The following AGBL4 variants were observed in gnomAD, a reference collection of about 807,000 sequenced individuals.
The protein encoded by AGBL4 is cytosolic carboxypeptidase 6.
In AGBL4, 58 loss-of-function variants were observed where a neutral mutation model predicts 66.4. The observed-to-expected ratio is 0.87, with a 90% CI of 0.71 to 1.09. The LOEUF is 1.09. Ranked by LOEUF, AGBL4 falls within the 50% of genes least tolerant of loss-of-function variation. The pLI is 0.00. For synonymous variants in AGBL4, 234 were observed against 222.9 expected (o/e 1.05, Z -0.44); for missense variants, 579 against 631.0 (o/e 0.92, Z 0.88).
chr1:48,598,319 T>C (rs999813571), intron 9 of AGBL4, among the ~76,000 whole-genome samples: 5 of 152,144 alleles, frequency 3.3e-5, no homozygotes, highest in Non-Finnish European at 5.9e-5. Flanking sequence ...CTGATGGAGA[T>C]AAATTCTGAG....
At chr1:49,655,752 A>G (rs958346218) in intron 3 of AGBL4, among the ~76,000 whole-genome samples, 2 of 152,256 alleles carry the variant, frequency 1.3e-5, no homozygotes, top group Non-Finnish European at 1.5e-5. Context: ...CAAAAAATCA[A>G]TGAATCCAGG....
intron 3 of AGBL4, among the ~76,000 whole-genome samples, chr1:49,530,274 A>AAAAAAAAAAAAAAAAAAAAAAAAAC (rs1553221141): frequency 8.2e-5 from 11 of 134,758 alleles, no homozygotes; most frequent in African/African-American, 3.2e-4. Flanking sequence ...AAAAAAAAAC[A>AAAAAAAAAAAAAAAAAAAAAAAAAC]AAAAAAAACT....
intron 3 of AGBL4, chr1:49,257,389 C>T (rs528473734): frequency 1.6e-4 from 26 of 161,494 alleles, no homozygotes; most frequent in Admixed American, 1.6e-3. Context: ...GCGCCCCTCC[C>T]CCAGCCTCGC....
At chr1:50,019,821 T>C (rs1378688762) in intron 1 of AGBL4, among the ~76,000 whole-genome samples, 2 of 152,106 alleles carry the variant, frequency 1.3e-5, no homozygotes, top group African/African-American at 4.8e-5. Flanking sequence ...CAATCTAGCA[T>C]GAGACTAATA....
At chr1:49,282,777 C>G (rs890871005) in intron 3 of AGBL4, among the ~76,000 whole-genome samples, 1 of 152,174 alleles carries the variant, frequency 6.6e-6, no homozygotes, top group Non-Finnish European at 1.5e-5. Context: ...CCTGGAAAAT[C>G]GGGTCACTCC....
chr1:48,620,294 A>T (rs1023718405), intron 9 of AGBL4, among the ~76,000 whole-genome samples: 2 of 151,906 alleles, frequency 1.3e-5, no homozygotes, highest in Non-Finnish European at 2.9e-5. Flanking sequence ...TTTAAGAGAC[A>T]GGGTCTCACT....
intron 3 of AGBL4, among the ~76,000 whole-genome samples, chr1:49,282,815 G>C (rs1322996057): frequency 6.6e-6 from 1 of 152,156 alleles, no homozygotes; most frequent in Non-Finnish European, 1.5e-5. Context: ...TTTCGGACGG[G>C]CTTAAAAAAC....
intron 2 of AGBL4, among the ~76,000 whole-genome samples, chr1:49,710,412 G>A (rs1388864114): frequency 6.6e-6 from 1 of 152,110 alleles, no homozygotes; most frequent in African/African-American, 2.4e-5. Context: ...GTACAGGGAA[G>A]GGAACATTAC....
intron 3 of AGBL4, among the ~76,000 whole-genome samples, chr1:49,423,616 C>T (rs1421490386): frequency 6.6e-6 from 1 of 151,988 alleles, no homozygotes; most frequent in African/African-American, 2.4e-5. Context: ...TTAAGACCAG[C>T]CTCGCCAACA....
At chr1:48,719,058 T>C (rs78067261) in intron 6 of AGBL4, among the ~76,000 whole-genome samples, 2,966 of 152,290 alleles carry the variant, frequency 0.019, 74 homozygotes, top group African/African-American at 0.055. Flanking sequence ...AAGGTCATGT[T>C]CCTGAAACCC....
chr1:49,652,095 T>C (rs1401880904), intron 3 of AGBL4, among the ~76,000 whole-genome samples: 1 of 152,090 alleles, frequency 6.6e-6, no homozygotes, highest in Non-Finnish European at 1.5e-5. Flanking sequence ...TAAGGAAGAA[T>C]TTCAGAGCTT....
At chr1:49,480,795 T>C (rs1646940081) in intron 3 of AGBL4, among the ~76,000 whole-genome samples, 1 of 152,142 alleles carries the variant, frequency 6.6e-6, no homozygotes, top group South Asian at 2.1e-4. Flanking sequence ...CTTTAATCCA[T>C]CTTGAGTTAA....
chr1:48,686,755 G>A (rs1324486464), intron 6 of AGBL4, among the ~76,000 whole-genome samples: 1 of 152,126 alleles, frequency 6.6e-6, no homozygotes, highest in Non-Finnish European at 1.5e-5. Context: ...GCTTGATCTT[G>A]GTGAAGTCAC....
intron 1 of AGBL4, among the ~76,000 whole-genome samples, chr1:49,967,816 A>G (rs987615884): frequency 2.0e-5 from 3 of 152,192 alleles, no homozygotes; most frequent in Non-Finnish European, 4.4e-5. Context: ...TTTGATTACT[A>G]ATAAGGCAGA....
intron 4 of AGBL4, among the ~76,000 whole-genome samples, chr1:49,237,406 G>A (rs575187603): frequency 6.6e-6 from 1 of 151,404 alleles, no homozygotes; most frequent in South Asian, 2.1e-4. Context: ...ACATAGAATT[G>A]TAAGTCCACT....
intron 4 of AGBL4, among the ~76,000 whole-genome samples, chr1:49,164,590 C>G (rs908146754): frequency 6.6e-6 from 1 of 152,110 alleles, no homozygotes; most frequent in Non-Finnish European, 1.5e-5. Flanking sequence ...TGCAATCTTA[C>G]CTTCTTAAGA....
intron 2 of AGBL4, among the ~76,000 whole-genome samples, chr1:49,832,816 T>C (rs1571668968): frequency 6.6e-6 from 1 of 152,224 alleles, no homozygotes; most frequent in African/African-American, 2.4e-5. Context: ...TGTCTGTTCA[T>C]GTCCTTTGCC....
chr1:49,810,779 T>C (rs1645081958), intron 2 of AGBL4, among the ~76,000 whole-genome samples: 2 of 152,158 alleles, frequency 1.3e-5, no homozygotes, highest in African/African-American at 4.8e-5. Context: ...GGGAAGTTAC[T>C]GGAAGTTTTT....
At chr1:49,875,396 A>C (rs1020282217) in intron 1 of AGBL4, among the ~76,000 whole-genome samples, 2 of 135,300 alleles carry the variant, frequency 1.5e-5, no homozygotes, top group African/African-American at 5.5e-5. Context: ...TATGAGTGAG[A>C]ATATGCGGTG....
Sources: gnomAD v4.1 joint callset for allele counts (sites outside exome capture counted in the v4.1 genomes callset) on GRCh38, gnomAD v4.1.1 for gene constraint, MANE v1.5 for transcripts, NCBI Gene and HGNC (gene_info 2026-07-23, HGNC 2026-07-21) for gene names.